STK35: variants seen among roughly 807,000 people sequenced by gnomAD.
STK35 encodes the protein serine/threonine-protein kinase 35.
In STK35, 17 loss-of-function variants were observed where a neutral mutation model predicts 37.3. The ratio of observed to expected loss-of-function variants is 0.46; its 90% CI spans 0.31 to 0.68. The LOEUF is 0.68. Ranked by LOEUF, STK35 falls within the 30% of genes least tolerant of loss-of-function variation. The pLI is 0.05. For missense variants in STK35, 595 were observed against 746.7 expected (o/e 0.80, Z 2.37); for synonymous variants, 385 against 319.1 (o/e 1.21, Z -2.20).
At chr20:2,138,280 A>C (rs1986118666) in intron 3 of STK35, among the ~76,000 whole-genome samples, 1 of 152,212 alleles carries the variant, frequency 6.6e-6, no homozygotes. Flanking sequence ...GGATAGAAAG[A>C]GAAAATTGGG....
chr20:2,102,823 CA>C lies in STK35; in HGVS notation c.351del (p.Ala120ProfsTer45), dbSNP rs773512120. 54 of 1,525,708 alleles carry C rather than the reference CA, an allele frequency of 3.5e-5. No individual in the cohort carries two copies. Among genetic ancestry groups the C allele is most frequent in the South Asian group, 3.6e-5 (3 of 82,934 alleles). 94.5% of individuals were successfully genotyped at this position (1,525,708 alleles called of 1,614,324 possible). On this transcript the variant is annotated frameshift_variant, in exon 2 of 4. Transcript: ENST00000381482. LOFTEE classifies it high-confidence loss of function. ...CCCAGGGCCGGACGGAGGGATGAGGCAGGGGGGGCCCGGGCAGCGCCGTTGC... is the reference window on the plus strand; with the variant it reads ...CCCAGGGCCGGACGGAGGGATGAGGCGGGGGGGCCCGGGCAGCGCCGTTGC... ...PRPRAGRRDEAGGARAAPLLL... is the reference protein window; with the variant it reads ...PRPRAGRRDEXGGARAAPLLL...
At chr20:2,126,608 G>T (rs964796226) in intron 3 of STK35, among the ~76,000 whole-genome samples, 1 of 152,162 alleles carries the variant, frequency 6.6e-6, no homozygotes, top group African/African-American at 2.4e-5. Flanking sequence ...GATTAGGGCA[G>T]CCGCATTCGT....
chr20:2,146,195 GC>G lies in STK35; in HGVS notation c.*2452del, dbSNP rs1986264077. ...CCCTCCCCTGCTTTCTCAAACACTT[GC>G]CCACCTCAGGCACTCAGCGGGCTCC... is the stretch of plus-strand genomic sequence containing the variant. On this transcript the variant is annotated 3_prime_UTR_variant, in exon 4 of 4. Coordinates refer to ENST00000381482, the MANE Select transcript of STK35 (RefSeq NM_080836.4). 1 of 152,216 alleles carries G rather than the reference GC, an allele frequency of 6.6e-6. No individual in the cohort carries two copies. The allele number at this position is 152,216 out of a possible 1,614,324, so 9.4% of individuals were successfully genotyped here. A position where few individuals can be genotyped will look rare whatever the true frequency, so the allele number is the denominator to read the frequency against.
intron 2 of STK35, among the ~76,000 whole-genome samples, chr20:2,107,955 G>A (rs1462745122): frequency 6.6e-6 from 1 of 152,208 alleles, no homozygotes; most frequent in African/African-American, 2.4e-5. Context: ...GCTGAAACTT[G>A]CAGGTTGCTA....
Position 2,103,260 on chromosome 20 carries a change from C to G in STK35, c.787C>G (p.Gln263Glu). Residue 263 changes from glutamine (Q) to glutamate (E), a missense_variant, in exon 2 of 4, where the codon CAG (glutamine) becomes GAG (glutamate). Transcript: ENST00000381482. ...SLKRRHQNVV[Q>E]FEECVLQRNG... ...CAAGCGGCGCCACCAGAACGTCGTGCAGTTTGAGGAGTGCGTCCTGCAGCG... is the reference window on the plus strand; with the variant it reads ...CAAGCGGCGCCACCAGAACGTCGTGGAGTTTGAGGAGTGCGTCCTGCAGCG... 1 of 1,613,230 alleles carries G rather than the reference C, an allele frequency of 6.2e-7. No individual in the cohort carries two copies. Among genetic ancestry groups the G allele is most frequent in the Non-Finnish European group, 8.5e-7 (1 of 1,179,890 alleles).
intron 3 of STK35, among the ~76,000 whole-genome samples, chr20:2,119,029 C>T (rs1985770227): frequency 6.6e-6 from 1 of 152,178 alleles, no homozygotes; most frequent in Non-Finnish European, 1.5e-5. Context: ...ATGTGCTAGG[C>T]TCTGGGGTGA....
At chr20:2,138,336 G>C (rs16981927) in intron 3 of STK35, among the ~76,000 whole-genome samples, 1,860 of 152,278 alleles carry the variant, frequency 0.012, 37 homozygotes, top group African/African-American at 0.04. Flanking sequence ...GAACCAAAAT[G>C]ACCATTAACA....
chr20:2,127,938 T>C (rs892393299), intron 3 of STK35, among the ~76,000 whole-genome samples: 1 of 152,182 alleles, frequency 6.6e-6, no homozygotes, highest in Non-Finnish European at 1.5e-5. Flanking sequence ...GAGGATGTCA[T>C]GAGTAAGAAG....
intron 3 of STK35, among the ~76,000 whole-genome samples, chr20:2,119,086 A>G (rs988247020): frequency 2.6e-5 from 4 of 152,224 alleles, no homozygotes; most frequent in Non-Finnish European, 4.4e-5. Flanking sequence ...TGAATTCTGC[A>G]TCTTAATTAG....
At position 2,111,206 on chromosome 20, in the gene STK35, C is replaced by T. The variant is rs185591368; in HGVS notation, c.893-5460C>T. Among the ~76,000 whole-genome samples the T allele has an allele frequency of 6.1e-3, 929 of 152,328 alleles. 33 individuals carry two copies. Among genetic ancestry groups the T allele is most frequent in the Admixed American group, 0.053 (804 of 15,302 alleles). ...AGTCGGCCACTAGGCTGTCTCCCAT[C>T]GCCAACCCCTCATGCCTCCATAAGG... On this transcript the variant is annotated intron_variant, in intron 2 of 3. Coordinates refer to ENST00000381482, the MANE Select transcript of STK35 (RefSeq NM_080836.4).
chr20:2,122,013 A>G (rs1985827060), intron 3 of STK35, among the ~76,000 whole-genome samples: 2 of 152,190 alleles, frequency 1.3e-5, no homozygotes, highest in African/African-American at 2.4e-5. Flanking sequence ...GTTTTGGGTT[A>G]TATCTGTGGA....
intron 3 of STK35, among the ~76,000 whole-genome samples, chr20:2,133,868 C>G (rs763549468): frequency 1.3e-5 from 2 of 152,206 alleles, no homozygotes; most frequent in Non-Finnish European, 2.9e-5. Context: ...TTCTGGCACA[C>G]TTGAGATACA....
chr20:2,104,794 A>G (rs895694255), intron 2 of STK35, among the ~76,000 whole-genome samples: 20 of 152,136 alleles, frequency 1.3e-4, no homozygotes, highest in African/African-American at 4.8e-4. Context: ...AACTTTATAA[A>G]GTCCATCCGT....
At position 2,103,088 on chromosome 20, in the gene STK35, G is replaced by T; in HGVS notation, c.615G>T (p.Leu205Phe). ...CCGCGCGGCCGCGTTACAGCCTGTT[G>T]GCGGAGATCGGGCGCGGCAGCTACG... ...GGSARPRYSL[L>F]AEIGRGSYGV... Residue 205 changes from leucine to phenylalanine, a missense_variant, in exon 2 of 4, where the codon TTG becomes TTT. Physicochemically the swap from Leu to Phe is conservative, Grantham distance 22. Around this residue, in one of 3 missense-constraint regions of STK35, gnomAD observed 389 missense variants for 320.0 expected, o/e 1.22. Coordinates refer to ENST00000381482, the MANE Select transcript of STK35 (RefSeq NM_080836.4). 6.3e-7 allele frequency: 1 copy of T among 1,597,746 alleles called. No individual in the cohort carries two copies. Among genetic ancestry groups the T allele is most frequent in the Non-Finnish European group, 8.5e-7 (1 of 1,178,166 alleles).
intron 2 of STK35, among the ~76,000 whole-genome samples, chr20:2,115,907 A>T (rs1985707414): frequency 6.7e-6 from 1 of 149,302 alleles, no homozygotes; most frequent in Non-Finnish European, 1.5e-5. Context: ...CCCCCCCTTC[A>T]CTGTTTATAT....
At chr20:2,102,351 C>T (rs369538380) in intron 1 of STK35, among the ~76,000 whole-genome samples, 176 bp downstream of exon 1, 6 of 152,192 alleles carry the variant, frequency 3.9e-5, no homozygotes, top group African/African-American at 1.2e-4. Context: ...CGCTGGGCTC[C>T]GCTAGGGCTT....
At chr20:2,130,356 G>A (rs1175232660) in intron 3 of STK35, among the ~76,000 whole-genome samples, 1 of 152,132 alleles carries the variant, frequency 6.6e-6, no homozygotes, top group Non-Finnish European at 1.5e-5. Context: ...GTCTTGCTGC[G>A]TTTTGTTCTT....
At chr20:2,107,800 G>C (rs990274658) in intron 2 of STK35, among the ~76,000 whole-genome samples, 1 of 152,162 alleles carries the variant, frequency 6.6e-6, no homozygotes, top group Non-Finnish European at 1.5e-5. Flanking sequence ...CCTCTTCTGT[G>C]GCTTGGGTCT....
chr20:2,135,126 ATCC>A (rs1247539490), intron 3 of STK35, among the ~76,000 whole-genome samples: 1 of 152,164 alleles, frequency 6.6e-6, no homozygotes, highest in African/African-American at 2.4e-5. Context: ...AACAGGCAAG[ATCC>A]TTCATCTTCC....
Sources: gnomAD v4.1 joint callset for allele counts (sites outside exome capture counted in the v4.1 genomes callset) on GRCh38, gnomAD v4.1.1 for gene constraint, gnomAD v4.1.1 regional missense constraint, MANE v1.5 for transcripts, NCBI Gene and HGNC (gene_info 2026-07-23, HGNC 2026-07-21) for gene names.